The following USP34 variants were observed in gnomAD, a reference collection of about 807,000 sequenced individuals.
USP34 encodes the protein ubiquitin specific peptidase 34, also known as ubiquitin carboxyl-terminal hydrolase 34.
Under a neutral mutation model 460.3 loss-of-function variants are expected in USP34, and 70 were observed. The ratio of observed to expected loss-of-function variants is 0.15; its 90% CI spans 0.13 to 0.19. USP34 has a LOEUF of 0.19. USP34 is among the 10% of genes least tolerant of loss of function. The pLI is 1.00. For missense variants in USP34, 3,985 were observed against 4,236.2 expected (o/e 0.94, Z 1.65); for synonymous variants, 1,647 against 1,405.3 (o/e 1.17, Z -3.85).
chr2:61,265,268 A>T, intron 43 of USP34, 129 bp downstream of exon 43: 1 of 952,054 alleles, frequency 1.1e-6, no homozygotes, highest in Non-Finnish European at 1.6e-6. Context: ...TTAGCTAGTT[A>T]CTGTAATCAA....
chr2:61,246,516 C>G (rs372457298), intron 49 of USP34, 39 bp from the exon 50 acceptor site: 5 of 1,356,556 alleles, frequency 3.7e-6, no homozygotes, highest in Non-Finnish European at 4.9e-6. Context: ...ATTTTCCAAA[C>G]TTCACAACAG....
intron 10 of USP34, among the ~76,000 whole-genome samples, chr2:61,366,653 C>T (rs1488713983): frequency 6.6e-6 from 1 of 152,012 alleles, no homozygotes; most frequent in Admixed American, 6.6e-5. Flanking sequence ...ATACTATTCC[C>T]CGAGAAGTTG....
At chr2:61,235,997 C>G (rs752207879) in intron 56 of USP34, 29 bp downstream of exon 56, 1 of 1,597,294 alleles carries the variant, frequency 6.3e-7, no homozygotes, top group South Asian at 1.1e-5. Context: ...ACATAAATGA[C>G]AAAAAAATCC....
At chr2:61,228,373 A>G (rs1454985250) in intron 61 of USP34, among the ~76,000 whole-genome samples, 4 of 152,240 alleles carry the variant, frequency 2.6e-5, no homozygotes, top group East Asian at 1.9e-4. Context: ...TTCACTATTG[A>G]TAAGACCCTA....
intron 1 of USP34, among the ~76,000 whole-genome samples, chr2:61,449,555 G>C (rs1695211247): frequency 6.6e-6 from 1 of 151,436 alleles, no homozygotes; most frequent in Non-Finnish European, 1.5e-5. Context: ...TACACTTTCT[G>C]ACTTCCAATC....
intron 3 of USP34, among the ~76,000 whole-genome samples, chr2:61,399,829 C>T (rs1693656153): frequency 7.0e-6 from 1 of 142,218 alleles, no homozygotes; most frequent in African/African-American, 2.6e-5. Context: ...GCCGAGATAA[C>T]ACCACTGCAC....
At position 61,470,689 on chromosome 2, in the gene USP34, A is replaced by G. The variant is rs778139662; in HGVS notation, c.4T>C (p.Cys2Arg). The G allele has an allele frequency of 6.3e-6, 10 of 1,591,842 alleles. No homozygotes were observed. The highest frequency in any genetic ancestry group is 8.5e-6 in the Non-Finnish European group (10 of 1,169,692). Residue 2 changes from cysteine to arginine, a missense_variant, in exon 1 of 80, where the codon TGC (cysteine) becomes CGC (arginine). Coordinates refer to ENST00000398571, the MANE Select transcript of USP34 (RefSeq NM_014709.4). ...TCCACCAGGTCTGCGCAGTTCTCGC[A>G]CATCGTTCGGCCGCCGCCCCCCCCC... M[C>R]ENCADLVEVL... is the part of the protein sequence containing the mutation.
chr2:61,419,972 C>A (rs1015342052), intron 2 of USP34, among the ~76,000 whole-genome samples: 5 of 152,124 alleles, frequency 3.3e-5, no homozygotes, highest in Admixed American at 6.5e-5. Flanking sequence ...GCCAACTCTA[C>A]TGAGAGAGGA....
chr2:61,198,010 C>G (rs541142030), intron 75 of USP34, among the ~76,000 whole-genome samples: 4 of 152,342 alleles, frequency 2.6e-5, no homozygotes, highest in African/African-American at 9.6e-5. Context: ...CTGCCTGCCT[C>G]AGCCTCCCAA....
chr2:61,222,468 C>G (rs1250666109), intron 65 of USP34, 151 bp downstream of exon 65: 2 of 578,534 alleles, frequency 3.5e-6, no homozygotes, highest in Non-Finnish European at 6.1e-6. Context: ...ATTAGTAGTT[C>G]ATTTTATTCA....
chr2:61,218,609 A>G (rs964381616), intron 67 of USP34, among the ~76,000 whole-genome samples: 2 of 151,512 alleles, frequency 1.3e-5, no homozygotes, highest in East Asian at 1.9e-4. Flanking sequence ...TCTAGTATAC[A>G]TTACAGCTAG....
Position 61,259,748 on chromosome 2 carries a change from G to C in USP34, c.5807C>G (p.Thr1936Ser). The C allele has an allele frequency of 6.2e-7, 1 of 1,613,340 alleles. No individual in the cohort carries two copies. The highest frequency in any genetic ancestry group is 1.3e-5 in the African/African-American group (1 of 75,018). ...AAACATTTTCTGAAGCTCCAGAAGA[G>C]TGGTCTTGTGCTTCATATCCTCTGA... ...KYSEDMKHKT[T>S]LLELQKMFTY... Residue 1936 changes from threonine (T) to serine (S), a missense_variant, in exon 44 of 80, where the codon ACT becomes AGT. Physicochemically the swap from Thr to Ser is moderately conservative, Grantham distance 58. This residue lies in a region of USP34 where 145 missense variants were observed against 291.6 expected (regional missense o/e 0.50). Transcript: ENST00000398571.
intron 3 of USP34, among the ~76,000 whole-genome samples, chr2:61,398,790 A>G (rs1693621713): frequency 1.3e-5 from 2 of 152,242 alleles, no homozygotes; most frequent in Non-Finnish European, 2.9e-5. Context: ...GCAATCATAC[A>G]GAACTCAGAA....
chr2:61,287,027 A>C (rs1029978858), intron 34 of USP34, among the ~76,000 whole-genome samples: 2 of 152,238 alleles, frequency 1.3e-5, no homozygotes, highest in Non-Finnish European at 2.9e-5. Context: ...TAGTAATGTA[A>C]GGTTACTAAA....
At chr2:61,409,110 C>T (rs1239169289) in intron 2 of USP34, among the ~76,000 whole-genome samples, 1 of 152,064 alleles carries the variant, frequency 6.6e-6, no homozygotes, top group Non-Finnish European at 1.5e-5. Flanking sequence ...ATCCCACCTA[C>T]TCAGGAGGCT....
chr2:61,314,519 A>T, intron 25 of USP34, 66 bp downstream of exon 25: 1 of 1,327,166 alleles, frequency 7.5e-7, no homozygotes, highest in Non-Finnish European at 9.8e-7. Flanking sequence ...CACTTTAAGA[A>T]TATTTCTGGA....
chr2:61,275,222 T>C (rs1180510319), intron 41 of USP34, among the ~76,000 whole-genome samples: 1 of 152,082 alleles, frequency 6.6e-6, no homozygotes, highest in Admixed American at 6.5e-5. Flanking sequence ...GAGGTTGCAG[T>C]GAGCTGAGAT....
rs1691786936 is a variant in USP34, at chr2:61,346,885, C to G, written c.2285+985G>C. Reference sequence around the variant, plus strand: ...GGGCCTGGTGGCTCACACCTGTGATCCCAGCACTTTGGGAGGCCGAGGCGG... The same window carrying G: ...GGGCCTGGTGGCTCACACCTGTGATGCCAGCACTTTGGGAGGCCGAGGCGG... On this transcript the variant is annotated intron_variant, in intron 15 of 79. Coordinates refer to ENST00000398571, the MANE Select transcript of USP34 (RefSeq NM_014709.4). Among the ~76,000 whole-genome samples the G allele has an allele frequency of 2.7e-5, 4 of 146,458 alleles. No individual in the cohort carries two copies. The South Asian group carries it at 8.7e-4, about 32-fold the overall frequency.
At chr2:61,256,114 A>T (rs1688718074) in intron 48 of USP34, among the ~76,000 whole-genome samples, 1 of 152,198 alleles carries the variant, frequency 6.6e-6, no homozygotes, top group African/African-American at 2.4e-5. Flanking sequence ...GATGAAAATG[A>T]TCAATGTACT....
Sources: gnomAD v4.1 joint callset for allele counts (sites outside exome capture counted in the v4.1 genomes callset) on GRCh38, gnomAD v4.1.1 for gene constraint, gnomAD v4.1.1 regional missense constraint, MANE v1.5 for transcripts, NCBI Gene and HGNC (gene_info 2026-07-23, HGNC 2026-07-21) for gene names.